The following EEA1 variants were observed in gnomAD, a reference collection of about 807,000 sequenced individuals.
The protein encoded by EEA1 is early endosome antigen 1.
EEA1 carries 111 observed loss-of-function variants against 209.2 expected under a neutral mutation model. The ratio of observed to expected loss-of-function variants is 0.53; its 90% confidence interval spans 0.45 to 0.62. The LOEUF is 0.62. EEA1 is among the 20% of genes least tolerant of loss of function. The probability of loss-of-function intolerance (pLI) is 0.00; values close to 1 mark genes in which losing one functional copy is unlikely to be tolerated. For synonymous variants in EEA1, 536 were observed against 540.6 expected (o/e 0.99, Z 0.12); for missense variants, 1,343 against 1,530.8 (o/e 0.88, Z 2.05).
chr12:92,852,843 G>T, intron 7 of EEA1, 69 bp downstream of exon 7: 1 of 1,010,068 alleles, frequency 9.9e-7, no homozygotes, highest in Non-Finnish European at 1.5e-6. Context: ...TATATTTATT[G>T]CTAGGGTATA....
intron 2 of EEA1, among the ~76,000 whole-genome samples, chr12:92,880,388 T>C (rs1302105808): frequency 3.3e-5 from 5 of 152,174 alleles, no homozygotes; most frequent in Non-Finnish European, 7.4e-5. Flanking sequence ...CACCGCAGCC[T>C]CCACCTCACA....
chr12:92,928,504 G>A (rs1881295878), intron 1 of EEA1, among the ~76,000 whole-genome samples: 1 of 152,194 alleles, frequency 6.6e-6, no homozygotes, highest in African/African-American at 2.4e-5. Context: ...CCACGCCTGG[G>A]CCCAGGCTAG....
At chr12:92,922,059 A>G (rs1409409892) in intron 1 of EEA1, among the ~76,000 whole-genome samples, 2 of 151,996 alleles carry the variant, frequency 1.3e-5, no homozygotes, top group East Asian at 3.9e-4. Flanking sequence ...GTATGACCCA[A>G]TTGTCACATT....
intron 10 of EEA1, among the ~76,000 whole-genome samples, chr12:92,841,524 T>C (rs1877160759): frequency 6.6e-6 from 1 of 152,182 alleles, no homozygotes; most frequent in Admixed American, 6.5e-5. Flanking sequence ...ATCACATATC[T>C]GATAAGGGGT....
chr12:92,801,463 C>T, intron 20 of EEA1, 137 bp downstream of exon 20: 2 of 504,798 alleles, frequency 4.0e-6, no homozygotes, highest in Non-Finnish European at 6.6e-6. Flanking sequence ...TATGAAAATG[C>T]TTATTTTTCT....
intron 1 of EEA1, among the ~76,000 whole-genome samples, chr12:92,915,135 T>G (rs907268099): frequency 2.0e-5 from 3 of 152,178 alleles, no homozygotes; most frequent in Non-Finnish European, 2.9e-5. Context: ...ATATTATTAT[T>G]AAGTACATCT....
intron 2 of EEA1, among the ~76,000 whole-genome samples, chr12:92,865,894 C>A (rs1394295084): frequency 4.0e-5 from 6 of 151,694 alleles, no homozygotes; most frequent in African/African-American, 1.2e-4. Context: ...ATTACAGGCA[C>A]CCGCCACCAC....
intron 10 of EEA1, among the ~76,000 whole-genome samples, chr12:92,835,960 T>C (rs1305874334): frequency 1.3e-5 from 2 of 152,230 alleles, no homozygotes; most frequent in East Asian, 3.8e-4. Flanking sequence ...ATTTTTATTA[T>C]GGTCTTCCCA....
chr12:92,872,162 C>T (rs1878683499), intron 2 of EEA1, among the ~76,000 whole-genome samples: 1 of 151,742 alleles, frequency 6.6e-6, no homozygotes. Context: ...AATTCTCCTG[C>T]CTCGGCCTCC....
At chr12:92,840,054 A>G (rs2136699714) in intron 10 of EEA1, among the ~76,000 whole-genome samples, 1 of 152,198 alleles carries the variant, frequency 6.6e-6, no homozygotes, top group East Asian at 1.9e-4. Context: ...AAGCTCATAC[A>G]CATGGCTGTT....
intron 17 of EEA1, among the ~76,000 whole-genome samples, 188 bp downstream of exon 17, chr12:92,811,091 G>A (rs114112908): frequency 2.3e-3 from 356 of 151,992 alleles, no homozygotes; most frequent in African/African-American, 8.2e-3. Context: ...GCTCATTAAG[G>A]GAGACATTAA....
chr12:92,839,709 T>A (rs1000330819), intron 10 of EEA1, among the ~76,000 whole-genome samples: 1 of 152,230 alleles, frequency 6.6e-6, no homozygotes, highest in African/African-American at 2.4e-5. Flanking sequence ...TTAATATTTT[T>A]AAATTACTTT....
At position 92,832,534 on chromosome 12, in the gene EEA1, T is replaced by C. The variant is rs769670964; in HGVS notation, c.1232A>G (p.Gln411Arg). The change falls in exon 11 of 29, where the codon CAA (glutamine) becomes CGA (arginine). Residue 411 changes from glutamine to arginine, a missense_variant. Gln to Arg is a conservative substitution (Grantham distance 43). This residue lies in a region of EEA1 where 1,307 missense variants were observed against 1,465.5 expected (regional missense o/e 0.89). Transcript: ENST00000322349. ...QREEKEQHGL[Q>R]LQSEINQLHS... ...TACTTGATTAATTTCACTTTGGAGT[T>C]GTAACCCATGCTGCTCCTTTTCTTC... 1.9e-6 allele frequency: 3 copies of C among 1,611,388 alleles called. No individual in the cohort carries two copies. The African/African-American group carries it at 4.0e-5, about 22-fold the overall frequency.
intron 1 of EEA1, among the ~76,000 whole-genome samples, chr12:92,920,353 C>T (rs1386097266): frequency 1.5e-5 from 2 of 130,530 alleles, no homozygotes; most frequent in Non-Finnish European, 3.3e-5. Flanking sequence ...AACTTTACTA[C>T]AAGGCTACAG....
intron 18 of EEA1, among the ~76,000 whole-genome samples, chr12:92,803,276 T>C (rs1875026522): frequency 6.6e-6 from 1 of 152,038 alleles, no homozygotes; most frequent in African/African-American, 2.4e-5. Context: ...ATGATTTACT[T>C]TAACCCTAGA....
intron 16 of EEA1, 76 bp from the exon 17 acceptor site, chr12:92,811,510 T>TAGAGTTTTCAATTTTAC: frequency 1.0e-6 from 1 of 988,430 alleles, no homozygotes. Context: ...AACGTAAAAT[T>TAGAGTTTTCAATTTTAC]GAAAACTCTA....
chr12:92,877,112 T>C (rs1252622203), intron 2 of EEA1, among the ~76,000 whole-genome samples: 1 of 150,432 alleles, frequency 6.6e-6, no homozygotes, highest in Non-Finnish European at 1.5e-5. Flanking sequence ...TCCAGCTAAA[T>C]TTTTTTTCTT....
At chr12:92,855,664 T>C (rs970048641) in intron 5 of EEA1, among the ~76,000 whole-genome samples, 1 of 152,182 alleles carries the variant, frequency 6.6e-6, no homozygotes, top group African/African-American at 2.4e-5. Flanking sequence ...CATTTCCTAG[T>C]ATATCTGACT....
chr12:92,861,390 G>A (rs556294606), intron 3 of EEA1, among the ~76,000 whole-genome samples: 3 of 152,320 alleles, frequency 2.0e-5, no homozygotes, highest in South Asian at 2.1e-4. Context: ...AGGAGGTATC[G>A]GTTGCGGTGA....
Sources: allele counts gnomAD v4.1 joint callset (sites outside exome capture counted in the v4.1 genomes callset), GRCh38; gene constraint gnomAD v4.1.1; regional missense constraint gnomAD v4.1.1; transcripts MANE v1.5; gene names NCBI Gene and HGNC (gene_info 2026-07-23, HGNC 2026-07-21).